The following CHCHD6 variants were observed in gnomAD, a reference collection of about 807,000 sequenced individuals.
CHCHD6 encodes the protein coiled-coil-helix-coiled-coil-helix domain containing 6.
Under a neutral mutation model 32.3 loss-of-function variants are expected in CHCHD6, and 28 were observed. The observed-to-expected ratio is 0.87, with a 90% CI of 0.64 to 1.19. The LOEUF is 1.19. CHCHD6 is among the 50% of genes most tolerant of loss of function. The probability of loss-of-function intolerance (pLI) is 0.00; values close to 1 mark genes in which losing one functional copy is unlikely to be tolerated. For synonymous variants in CHCHD6, 122 were observed against 117.5 expected, an observed-to-expected ratio of 1.04 and a Z score of -0.25; for missense variants, 333 against 307.0, an observed-to-expected ratio of 1.08 and a Z score of -0.63.
chr3:126,863,534 C>T (rs1462961531), intron 5 of CHCHD6, among the ~76,000 whole-genome samples: 3 of 137,536 alleles, frequency 2.2e-5, no homozygotes, highest in Admixed American at 7.0e-5. Flanking sequence ...ATCACCACCT[C>T]CTCCTCCTCC....
intron 4 of CHCHD6, among the ~76,000 whole-genome samples, chr3:126,807,040 G>C (rs923206309): frequency 1.4e-4 from 17 of 118,058 alleles, no homozygotes; most frequent in Non-Finnish European, 2.3e-4. Context: ...ACACTCTGGG[G>C]CCTGCTGTGG....
At chr3:126,908,936 G>A (rs115539286) in intron 5 of CHCHD6, among the ~76,000 whole-genome samples, 2,152 of 152,326 alleles carry the variant, frequency 0.014, 58 homozygotes, top group African/African-American at 0.048. Context: ...GAAGAGGTGG[G>A]TCCTGACCCT....
In CHCHD6 at chr3:126,934,536, CTTTTTTTTTTTTTT is replaced by C. The variant is rs386397861; in HGVS notation, c.566+19803_566+19816del. ...CTTGGAATGCACCCTCCCCTCTCTG[CTTTTTTTTTTTTTT>C]TTTTTTTTTTTTTTTTGAGACTGAG... is the stretch of plus-strand genomic sequence containing the variant. On this transcript the variant is annotated intron_variant, in intron 6 of 7. Coordinates refer to ENST00000290913, the MANE Select transcript of CHCHD6 (RefSeq NM_032343.3). 2.7e-4 allele frequency among the ~76,000 whole-genome samples: 16 copies of C among 58,228 alleles called. No individual in the cohort carries two copies. The Admixed American group carries it at 3.2e-3, about 12-fold the overall frequency. 38.2% of individuals were successfully genotyped at this position (58,228 alleles called of 152,430 possible). A position where few individuals can be genotyped will look rare whatever the true frequency, so the allele number is the denominator to read the frequency against.
Position 126,903,067 on chromosome 3 carries a change from A to G in CHCHD6, c.496-11613A>G, listed in dbSNP as rs187554540. Among the ~76,000 whole-genome samples the G allele has an allele frequency of 1.3e-3, 200 of 152,164 alleles. 2 individuals carry two copies. Among genetic ancestry groups the G allele is most frequent in the Admixed American group, 4.1e-3 (63 of 15,280 alleles). ...TTGGGAGCAAGGCCATCTCCTAGGG[A>G]TATTCTGAGGGGAACTGGGGCCTGC... On this transcript the variant is annotated intron_variant, in intron 5 of 7. Transcript: ENST00000290913.
At chr3:126,864,934 T>G (rs1429724994) in intron 5 of CHCHD6, among the ~76,000 whole-genome samples, 1 of 143,304 alleles carries the variant, frequency 7.0e-6, no homozygotes, top group Admixed American at 6.9e-5. Context: ...CACCATCACC[T>G]CCTCCTCCAC....
intron 3 of CHCHD6, among the ~76,000 whole-genome samples, chr3:126,732,078 CAAAA>C (rs57722271): frequency 5.3e-5 from 4 of 75,860 alleles, no homozygotes; most frequent in Admixed American, 1.4e-4. Context: ...GACCCAAAAC[CAAAA>C]AAAAAAAAAA....
intron 4 of CHCHD6, among the ~76,000 whole-genome samples, chr3:126,840,762 C>G (rs1323717977): frequency 6.6e-6 from 1 of 151,950 alleles, no homozygotes; most frequent in African/African-American, 2.4e-5. Flanking sequence ...TTGTTTAGTA[C>G]TTTATGTGTA....
chr3:126,814,214 G>A (rs1939780811), intron 4 of CHCHD6, among the ~76,000 whole-genome samples: 2 of 152,218 alleles, frequency 1.3e-5, no homozygotes, highest in South Asian at 2.1e-4. Flanking sequence ...TTTTAAAAGC[G>A]TTGGCGGTAA....
intron 1 of CHCHD6, among the ~76,000 whole-genome samples, chr3:126,717,765 A>AGG (rs1291306003): frequency 7.3e-5 from 10 of 137,460 alleles, no homozygotes; most frequent in East Asian, 2.2e-4. Flanking sequence ...GGAAGTGCTG[A>AGG]GGGGTGTGTG....
chr3:126,909,298 C>T (rs2078050406), intron 5 of CHCHD6, among the ~76,000 whole-genome samples: 1 of 152,190 alleles, frequency 6.6e-6, no homozygotes, highest in Admixed American at 6.5e-5. Flanking sequence ...ATGGGGGTTC[C>T]CCTCAGACCT....
At chr3:126,857,393 A>G (rs1299877153) in intron 5 of CHCHD6, among the ~76,000 whole-genome samples, 1 of 152,220 alleles carries the variant, frequency 6.6e-6, no homozygotes, top group Non-Finnish European at 1.5e-5. Context: ...TCCTTTCCCC[A>G]GGATTGAAGT....
At chr3:126,726,551 TAA>T (rs10707343) in intron 1 of CHCHD6, among the ~76,000 whole-genome samples, 2 of 148,860 alleles carry the variant, frequency 1.3e-5, no homozygotes, top group Admixed American at 1.3e-4. Context: ...CTTCAACTTG[TAA>T]AAAAAAAAAT....
At chr3:126,864,707 CTT>C (rs1942179354) in intron 5 of CHCHD6, among the ~76,000 whole-genome samples, 2 of 147,550 alleles carry the variant, frequency 1.4e-5, no homozygotes, top group Admixed American at 6.7e-5. Flanking sequence ...ATCATCTCCT[CTT>C]CCTCCTCCAC....
chr3:126,804,089 T>G (rs1939228262), intron 4 of CHCHD6, among the ~76,000 whole-genome samples: 1 of 151,754 alleles, frequency 6.6e-6, no homozygotes, highest in African/African-American at 2.4e-5. Flanking sequence ...TTTATAGCAC[T>G]AAATGCCCAC....
chr3:126,816,936 T>C (rs911206406), intron 4 of CHCHD6, among the ~76,000 whole-genome samples: 5 of 152,232 alleles, frequency 3.3e-5, no homozygotes, highest in Admixed American at 1.3e-4. Context: ...TTGTTCAATT[T>C]CCACCTATGA....
intron 6 of CHCHD6, among the ~76,000 whole-genome samples, chr3:126,933,294 C>T (rs2078432384): frequency 6.6e-6 from 1 of 152,162 alleles, no homozygotes; most frequent in African/African-American, 2.4e-5. Flanking sequence ...GTCCTCAACC[C>T]TCATTTCCTA....
intron 4 of CHCHD6, among the ~76,000 whole-genome samples, chr3:126,763,546 G>A (rs1206095699): frequency 6.6e-6 from 1 of 152,056 alleles, no homozygotes; most frequent in Non-Finnish European, 1.5e-5. Flanking sequence ...TTGTTATGTT[G>A]TCCAGGCTAG....
In CHCHD6 at chr3:126,926,898, C is replaced by A. The variant is rs186462077; in HGVS notation, c.566+12148C>A. On this transcript the variant is annotated intron_variant, in intron 6 of 7. Coordinates refer to ENST00000290913, the MANE Select transcript of CHCHD6 (RefSeq NM_032343.3). ...TTGCACAGATATTCCACTCCCACGC[C>A]GGCACTGTTCTGGGAATACGGTTGT... 6.6e-5 allele frequency among the ~76,000 whole-genome samples: 10 copies of A among 152,264 alleles called. No homozygotes were observed. In the East Asian group the frequency reaches 1.9e-3, roughly 29 times the overall value.
At chr3:126,952,879 G>A in intron 6 of CHCHD6, 1 of 743,308 alleles carries the variant, frequency 1.3e-6, no homozygotes, top group Non-Finnish European at 1.6e-6. Context: ...TGGGGGCTCT[G>A]GGAGTCAGGC....
Sources: gnomAD v4.1 joint callset for allele counts (sites outside exome capture counted in the v4.1 genomes callset) on GRCh38, gnomAD v4.1.1 for gene constraint, MANE v1.5 for transcripts, NCBI Gene and HGNC (gene_info 2026-07-23, HGNC 2026-07-21) for gene names.